Variants in CENPW observed in about 807,000 individuals in gnomAD.
CENPW encodes the protein centromere protein W.
In CENPW, 3 loss-of-function variants were observed where a neutral mutation model predicts 11.1. That is an observed-to-expected ratio of 0.27 (90% CI 0.12 to 0.70). CENPW has a LOEUF of 0.70. CENPW is among the 30% of genes least tolerant of loss of function. The pLI, the probability that CENPW is intolerant of heterozygous loss-of-function variation, is 0.77. For missense variants in CENPW, 100 were observed against 105.6 expected (o/e 0.95, Z 0.23); for synonymous variants, 38 against 42.0 (o/e 0.91, Z 0.37).
the CENPW span, among the ~76,000 whole-genome samples, chr6:126,390,432 T>G: frequency 1.3e-5 from 2 of 151,952 alleles, no homozygotes; most frequent in South Asian, 4.1e-4. Flanking sequence ...AAATGGGATA[T>G]CCATCCCCTC....
chr6:126,382,411 C>T, the CENPW span, among the ~76,000 whole-genome samples: 60 of 152,246 alleles, frequency 3.9e-4, no homozygotes, highest in African/African-American at 1.3e-3. Flanking sequence ...AACAATTGCA[C>T]TAGCTCTCCA....
At chr6:126,459,689 T>C in the CENPW span, among the ~76,000 whole-genome samples, 2 of 151,550 alleles carry the variant, frequency 1.3e-5, no homozygotes, top group Non-Finnish European at 3.0e-5. Flanking sequence ...ATCAAATGTC[T>C]TGGTGTTTTC....
At chr6:126,482,033 T>C in the CENPW span, among the ~76,000 whole-genome samples, 1 of 152,186 alleles carries the variant, frequency 6.6e-6, no homozygotes, top group South Asian at 2.1e-4. Flanking sequence ...GTTGTATTTA[T>C]TTTCCATACT....
At chr6:126,410,095 G>A in the CENPW span, among the ~76,000 whole-genome samples, 25 of 151,624 alleles carry the variant, frequency 1.6e-4, no homozygotes, top group African/African-American at 2.4e-4. Context: ...AGAGCTTTAT[G>A]TATTTCTCCA....
At chr6:126,357,899 G>A in the CENPW span, among the ~76,000 whole-genome samples, 5 of 152,090 alleles carry the variant, frequency 3.3e-5, no homozygotes, top group African/African-American at 1.2e-4. Flanking sequence ...GAGCCACCAC[G>A]CCTGGCCAGT....
the CENPW span, among the ~76,000 whole-genome samples, chr6:126,454,851 G>C: frequency 1.3e-5 from 2 of 150,616 alleles, no homozygotes; most frequent in African/African-American, 4.9e-5. Context: ...AAAGAAAGAA[G>C]ATCCAAATAA....
At chr6:126,387,243 A>G in the CENPW span, among the ~76,000 whole-genome samples, 1 of 151,976 alleles carries the variant, frequency 6.6e-6, no homozygotes. Context: ...AAATCTACAT[A>G]TCTGCAGGCC....
At chr6:126,372,861 G>A in the CENPW span, among the ~76,000 whole-genome samples, 1 of 152,138 alleles carries the variant, frequency 6.6e-6, no homozygotes, top group African/African-American at 2.4e-5. Context: ...GTCCTCTAAA[G>A]TGCTTTGGGA....
At chr6:126,477,584 C>G in the CENPW span, among the ~76,000 whole-genome samples, 1 of 151,858 alleles carries the variant, frequency 6.6e-6, no homozygotes, top group Non-Finnish European at 1.5e-5. Flanking sequence ...GGAACAGACT[C>G]AAAGAGCTCA....
At chr6:126,454,344 A>G in the CENPW span, among the ~76,000 whole-genome samples, 4 of 151,504 alleles carry the variant, frequency 2.6e-5, no homozygotes, top group African/African-American at 9.6e-5. Flanking sequence ...CAGCAAATTC[A>G]AAAACACTGA....
chr6:126,405,874 A>G, the CENPW span, among the ~76,000 whole-genome samples: 1 of 151,958 alleles, frequency 6.6e-6, no homozygotes, highest in Admixed American at 6.6e-5. Context: ...TTGCTTATCA[A>G]TTCTAAGATT....
chr6:126,346,245 A>G lies in CENPW; in HGVS notation c.167A>G (p.Glu56Gly). The G allele has an allele frequency of 6.2e-7, 1 of 1,606,798 alleles. No homozygotes were observed. Among genetic ancestry groups the G allele is most frequent in the Non-Finnish European group, 8.5e-7 (1 of 1,174,546 alleles). Reference sequence around the variant, plus strand: ...TTACTGTTTGTTCATCGATTAGCAGAAGAGTCCAGGACAAACGCTTGTGCG... The same window carrying G: ...TTACTGTTTGTTCATCGATTAGCAGGAGAGTCCAGGACAAACGCTTGTGCG... ...NCLLFVHRLA[E>G]ESRTNACASK... The change falls in exon 2 of 3, where the codon GAA becomes GGA. Residue 56 changes from glutamate to glycine, a missense_variant. Transcript: ENST00000368328.
At chr6:126,436,107 C>T in the CENPW span, among the ~76,000 whole-genome samples, 1 of 151,702 alleles carries the variant, frequency 6.6e-6, no homozygotes, top group Admixed American at 6.6e-5. Context: ...TATTTCCTGG[C>T]AATGAAATCT....
downstream of CENPW, among the ~76,000 whole-genome samples, chr6:126,350,153 T>A (rs1013876328): frequency 6.6e-6 from 1 of 152,202 alleles, no homozygotes; most frequent in African/African-American, 2.4e-5. Context: ...TATTTGGTAA[T>A]GTTACTATTT....
the CENPW span, among the ~76,000 whole-genome samples, chr6:126,442,960 C>A: frequency 6.6e-6 from 1 of 150,976 alleles, no homozygotes; most frequent in Non-Finnish European, 1.5e-5. Context: ...TCTATTTGAT[C>A]ACTGTGATCT....
the CENPW span, among the ~76,000 whole-genome samples, chr6:126,475,718 T>C: frequency 6.8e-4 from 104 of 152,160 alleles, no homozygotes; most frequent in Non-Finnish European, 1.3e-3. Flanking sequence ...GCAAATACTT[T>C]AAACATTTAT....
chr6:126,371,493 T>G, the CENPW span, among the ~76,000 whole-genome samples: 1 of 152,232 alleles, frequency 6.6e-6, no homozygotes, highest in Non-Finnish European at 1.5e-5. Flanking sequence ...GATTAGCTAA[T>G]ATTTTGTTAA....
chr6:126,471,524 C>G, the CENPW span, among the ~76,000 whole-genome samples: 1 of 152,102 alleles, frequency 6.6e-6, no homozygotes, highest in Non-Finnish European at 1.5e-5. Context: ...TACATAGCAG[C>G]ACTATTTTAA....
chr6:126,376,742 C>T, the CENPW span, among the ~76,000 whole-genome samples: 1 of 152,136 alleles, frequency 6.6e-6, no homozygotes. Flanking sequence ...CTGAAGGGCA[C>T]ATAATACTTT....
Sources: allele counts gnomAD v4.1 joint callset (sites outside exome capture counted in the v4.1 genomes callset), GRCh38; gene constraint gnomAD v4.1.1; transcripts MANE v1.5; gene names NCBI Gene and HGNC (gene_info 2026-07-23, HGNC 2026-07-21).